The following F8 variants were observed in gnomAD, a reference collection of about 807,000 sequenced individuals.
The protein encoded by F8 is coagulation factor VIII, also known as antihemophilic factor.
In F8, 12 loss-of-function variants were observed where a neutral mutation model predicts 140.6. The observed-to-expected ratio is 0.09, with a 90% CI of 0.05 to 0.14. The LOEUF (loss-of-function observed/expected upper bound fraction) is 0.14, where lower values mean the gene tolerates loss of function less well. Ranked by LOEUF, F8 falls within the 10% of genes least tolerant of loss-of-function variation. F8 has a pLI of 1.00. For missense variants in F8, 1,354 were observed against 1,720.7 expected (o/e 0.79, Z 3.77); for synonymous variants, 585 against 614.6 (o/e 0.95, Z 0.71).
intron 1 of F8, among the ~76,000 whole-genome samples, chrX:155,019,652 G>A (rs994935695): frequency 9.1e-6 from 1 of 110,250 alleles, no homozygotes; most frequent in Non-Finnish European, 1.9e-5. Context: ...AAATTTTCCG[G>A]GCATGGTGGC....
In F8 at chrX:154,902,088, A is replaced by G. The variant is rs1557275987; in HGVS notation, c.6078T>C (p.His2026=). 8.3e-7 allele frequency: 1 copy of G among 1,210,536 alleles called. No individual in the cohort carries two copies. The highest frequency in any genetic ancestry group is 3.0e-5 in the East Asian group (1 of 33,855). The change falls in exon 19 of 26, where the codon CAT becomes CAC. Residue 2026 remains histidine (H), a synonymous_variant. Coordinates refer to ENST00000360256, the MANE Select transcript of F8 (RefSeq NM_000132.4). ...RVECLIGEHL[H]AGMSTLFLVY... is the part of the protein sequence containing the mutation. The stretch of plus-strand genomic sequence containing the variant: ...CCAGAAAAAGTGTGCTCATCCCAGC[A>G]TGTAGATGCTCGCCAATAAGGCATT...
intron 9 of F8, among the ~76,000 whole-genome samples, chrX:154,961,394 C>T (rs2073395031): frequency 8.9e-6 from 1 of 111,748 alleles, no homozygotes; most frequent in Non-Finnish European, 1.9e-5. Flanking sequence ...ATGCTCAAGT[C>T]TCTTACTCAA....
rs782217392 is a variant in F8 at position 154,863,160 on chromosome X, C to T, written c.6497G>A (p.Arg2166Gln). ...ATGAGTTGGGTGCAAACGGATGTAT[C>T]GAGCAATAATTGGAGGGTTAAAAAT... ...HNIFNPPIIA[R>Q]YIRLHPTHYS... is the part of the protein sequence containing the mutation. Residue 2166 changes from arginine (R) to glutamine (Q), a missense_variant, in exon 23 of 26, where the codon CGA (arginine) becomes CAA (glutamine). This residue lies in a region of F8 where 316 missense variants were observed against 485.4 expected (regional missense o/e 0.65). Coordinates refer to ENST00000360256, the MANE Select transcript of F8 (RefSeq NM_000132.4). 56 of 1,207,659 alleles carry T rather than the reference C, an allele frequency of 4.6e-5. No homozygotes were observed. Among genetic ancestry groups the T allele is most frequent in the South Asian group, 1.2e-4 (7 of 56,791 alleles).
intron 14 of F8, among the ~76,000 whole-genome samples, chrX:154,927,838 G>A (rs1205279384): frequency 9.0e-6 from 1 of 111,476 alleles, no homozygotes; most frequent in African/African-American, 3.3e-5. Context: ...TTCTCTCAGA[G>A]CTCCATCAGC....
At chrX:154,973,633 T>A (rs1361086783) in intron 6 of F8, among the ~76,000 whole-genome samples, 5 of 112,284 alleles carry the variant, frequency 4.5e-5, no homozygotes, top group Non-Finnish European at 9.4e-5. Flanking sequence ...TTTCAGATTG[T>A]TCACTGTTGG....
At chrX:154,895,936 G>T (rs782726643) in intron 22 of F8, 141 bp downstream of exon 22, 1 of 608,149 alleles carries the variant, frequency 1.6e-6, no homozygotes, top group Non-Finnish European at 2.7e-6. Context: ...TGATATGTCC[G>T]TAATAACTCT....
At chrX:154,869,221 C>A (rs1240388690) in intron 22 of F8, among the ~76,000 whole-genome samples, 1 of 111,838 alleles carries the variant, frequency 8.9e-6, no homozygotes, top group Non-Finnish European at 1.9e-5. Flanking sequence ...GAACTCTCCA[C>A]CCCAAATCAA....
At chrX:154,960,995 T>C (rs1603435015) in intron 10 of F8, 80 bp downstream of exon 10, 1 of 680,585 alleles carries the variant, frequency 1.5e-6, no homozygotes, top group East Asian at 3.3e-5. Flanking sequence ...AGGACCAACA[T>C]AATTTTAGTT....
chrX:154,839,673 A>C (rs1388052238), intron 25 of F8, among the ~76,000 whole-genome samples: 1 of 111,180 alleles, frequency 9.0e-6, no homozygotes, highest in African/African-American at 3.3e-5. Context: ...TCCTCTTGTA[A>C]AATAGGACTC....
At chrX:154,871,456 C>T (rs2072772996) in intron 22 of F8, among the ~76,000 whole-genome samples, 1 of 112,175 alleles carries the variant, frequency 8.9e-6, no homozygotes, top group South Asian at 3.7e-4. Context: ...AAAAGATTCC[C>T]TATTTAATAA....
intron 13 of F8, among the ~76,000 whole-genome samples, chrX:154,947,022 G>A (rs1323402865): frequency 6.5e-5 from 7 of 107,924 alleles, no homozygotes; most frequent in South Asian, 4.0e-4. Context: ...TCAGGAAATC[G>A]AGACCATCCT....
chrX:154,871,726 A>G (rs1557273595), intron 22 of F8, among the ~76,000 whole-genome samples: 1 of 112,455 alleles, frequency 8.9e-6, no homozygotes, highest in Non-Finnish European at 1.9e-5. Flanking sequence ...GAGCTTCTGC[A>G]CAGCAAAAGA....
At chrX:154,966,402 T>A (rs1476351077) in intron 8 of F8, 24 bp downstream of exon 8, 5 of 1,208,784 alleles carry the variant, frequency 4.1e-6, no homozygotes, top group Non-Finnish European at 5.6e-6. Context: ...GAAGAGAGAG[T>A]ACCAATAGTC....
intron 13 of F8, among the ~76,000 whole-genome samples, chrX:154,946,969 T>C (rs781791088): frequency 9.0e-6 from 1 of 111,424 alleles, no homozygotes; most frequent in South Asian, 3.7e-4. Context: ...CTCACGCCTG[T>C]AATCCCAGCA....
chrX:154,926,672 G>A (rs191521764), intron 14 of F8, among the ~76,000 whole-genome samples: 96 of 111,838 alleles, frequency 8.6e-4, no homozygotes, highest in African/African-American at 2.9e-3. Flanking sequence ...CACCATGCCC[G>A]GCCAGGAATG....
intron 14 of F8, among the ~76,000 whole-genome samples, chrX:154,910,269 C>T (rs28841723): frequency 0.01 from 1,116 of 111,131 alleles, 15 homozygotes; most frequent in African/African-American, 0.035. Flanking sequence ...ATGTCCTTTG[C>T]AGGGACATGG....
chrX:154,940,772 C>T (rs782235206), intron 13 of F8, among the ~76,000 whole-genome samples: 29 of 111,974 alleles, frequency 2.6e-4, no homozygotes, highest in Admixed American at 2.3e-3. Flanking sequence ...ACAGAAAGGT[C>T]GGGTTACCCA....
intron 22 of F8, among the ~76,000 whole-genome samples, chrX:154,878,804 C>T (rs1351883067): frequency 4.5e-5 from 5 of 111,880 alleles, no homozygotes; most frequent in African/African-American, 1.6e-4. Flanking sequence ...ATAAGATCAA[C>T]GTGCAAAAAT....
intron 4 of F8, among the ~76,000 whole-genome samples, chrX:154,988,514 C>T (rs1557284430): frequency 8.9e-6 from 1 of 111,979 alleles, no homozygotes; most frequent in Non-Finnish European, 1.9e-5. Context: ...TGTCCACAGT[C>T]TCTTGTTGCC....
Sources: gnomAD v4.1 joint callset for allele counts (sites outside exome capture counted in the v4.1 genomes callset) on GRCh38, gnomAD v4.1.1 for gene constraint, gnomAD v4.1.1 regional missense constraint, MANE v1.5 for transcripts, NCBI Gene and HGNC (gene_info 2026-07-23, HGNC 2026-07-21) for gene names.